PARG: variants seen among roughly 807,000 people sequenced by gnomAD.
PARG encodes the protein poly(ADP-ribose) glycohydrolase.
Under a neutral mutation model 113.0 loss-of-function variants are expected in PARG, and 35 were observed. That is an observed-to-expected ratio of 0.31 (90% CI 0.24 to 0.41). The LOEUF (loss-of-function observed/expected upper bound fraction) is 0.41. PARG is among the 10% of genes least tolerant of loss of function. The pLI is 1.00. For synonymous variants in PARG, 330 were observed against 409.9 expected (o/e 0.81, Z 2.36); for missense variants, 797 against 1,169.4 (o/e 0.68, Z 4.64).
intron 16 of PARG, among the ~76,000 whole-genome samples, chr10:49,822,082 T>C (rs566561918): frequency 2.3e-4 from 35 of 152,280 alleles, no homozygotes; most frequent in African/African-American, 8.4e-4. Context: ...AATAAATGTG[T>C]TGATGCTGCT....
At chr10:49,836,145 T>C (rs1554831044) in intron 15 of PARG, among the ~76,000 whole-genome samples, 3 of 152,136 alleles carry the variant, frequency 2.0e-5, no homozygotes, top group Non-Finnish European at 4.4e-5. Flanking sequence ...TCTTTCATTA[T>C]CATGTAAATA....
chr10:49,828,106 A>C (rs1423343932), intron 16 of PARG, among the ~76,000 whole-genome samples: 4 of 147,280 alleles, frequency 2.7e-5, no homozygotes, highest in Admixed American at 1.3e-4. Flanking sequence ...AAAAAAAAAA[A>C]AAAAAAAAAA....
At chr10:49,930,518 T>C (rs1425510805) in intron 4 of PARG, among the ~76,000 whole-genome samples, 3 of 152,208 alleles carry the variant, frequency 2.0e-5, no homozygotes, top group Admixed American at 2.0e-4. Context: ...CTCTTCCTCA[T>C]TCCCCACCCA....
At chr10:49,934,230 C>T (rs1838634298) in intron 2 of PARG, 67 bp from the exon 3 acceptor site, 1 of 697,574 alleles carries the variant, frequency 1.4e-6, no homozygotes, top group Non-Finnish European at 2.5e-6. Flanking sequence ...CAATCATACC[C>T]CCAGTGTCAC....
chr10:49,892,961 T>C (rs1847883560), intron 7 of PARG, among the ~76,000 whole-genome samples: 1 of 152,210 alleles, frequency 6.6e-6, no homozygotes, highest in Non-Finnish European at 1.5e-5. Flanking sequence ...ACATCCACAA[T>C]TTGTTTATTC....
intron 14 of PARG, 68 bp downstream of exon 14, chr10:49,843,486 T>C (rs951431085): frequency 2.3e-6 from 2 of 878,176 alleles, no homozygotes; most frequent in East Asian, 2.6e-5. Flanking sequence ...AGAATGAGAG[T>C]GTGTGAGGGT....
intron 17 of PARG, 75 bp downstream of exon 17, chr10:49,820,090 A>G (rs1843996734): frequency 9.7e-7 from 1 of 1,028,772 alleles, no homozygotes; most frequent in East Asian, 2.6e-5. Flanking sequence ...TGATTCATCC[A>G]GATTTAGCAA....
At chr10:49,843,525 T>C (rs374803425) in intron 14 of PARG, 29 bp downstream of exon 14, 162 of 1,427,314 alleles carry the variant, frequency 1.1e-4, no homozygotes, top group Middle Eastern at 5.2e-4. Flanking sequence ...CTTTTAGCCA[T>C]GGAATACTGA....
intron 7 of PARG, among the ~76,000 whole-genome samples, chr10:49,900,203 A>T (rs1588962835): frequency 6.6e-6 from 1 of 151,522 alleles, no homozygotes; most frequent in Non-Finnish European, 1.5e-5. Flanking sequence ...TGAAGGGAGA[A>T]AGAGTCCTCC....
At chr10:49,882,380 T>A (rs1847258042) in intron 8 of PARG, among the ~76,000 whole-genome samples, 2 of 151,232 alleles carry the variant, frequency 1.3e-5, no homozygotes, top group Non-Finnish European at 2.9e-5. Context: ...AACACCAACA[T>A]ATACAATTTA....
chr10:49,889,376 C>T (rs1847657664), intron 7 of PARG, among the ~76,000 whole-genome samples: 2 of 152,160 alleles, frequency 1.3e-5, no homozygotes, highest in Non-Finnish European at 2.9e-5. Context: ...TACTTCATTA[C>T]CAGCAATTGA....
At chr10:49,914,498 C>T (rs1554847074) in intron 7 of PARG, among the ~76,000 whole-genome samples, 1 of 152,230 alleles carries the variant, frequency 6.6e-6, no homozygotes, top group Non-Finnish European at 1.5e-5. Context: ...TCTGAAATTA[C>T]TGGCACTATC....
In PARG at chr10:49,907,688, G is replaced by A. The variant is rs1162400708; in HGVS notation, c.1737+8229C>T. Among the ~76,000 whole-genome samples the A allele has an allele frequency of 2.0e-5, 3 of 152,196 alleles. No individual in the cohort carries two copies. The East Asian group carries it at 5.8e-4, about 29-fold the overall frequency. ...ACTATAGAATTTATTTTTATGAGTA[G>A]GAACATAAGAAGAATAAATGCAAAT... On this transcript the variant is annotated intron_variant, in intron 7 of 17. Transcript: ENST00000616448.
intron 6 of PARG, among the ~76,000 whole-genome samples, chr10:49,917,294 TC>T (rs782508495): frequency 4.5e-3 from 683 of 151,756 alleles, no homozygotes; most frequent in East Asian, 0.018. Context: ...ATCCAGACCA[TC>T]CTGGCCAACA....
chr10:49,825,730 G>C (rs1192571104), intron 16 of PARG, among the ~76,000 whole-genome samples: 1 of 152,098 alleles, frequency 6.6e-6, no homozygotes, highest in Non-Finnish European at 1.5e-5. Context: ...ATAAACCTTG[G>C]TTTCTCATTC....
chr10:49,832,944 C>T lies in PARG; in HGVS notation c.2542-36G>A, dbSNP rs535890432. 4.1e-4 allele frequency: 433 copies of T among 1,050,552 alleles called. 3 individuals are homozygous for T. In the South Asian group the frequency reaches 5.7e-3, roughly 14 times the overall value. 65.1% of individuals were successfully genotyped at this position (1,050,552 alleles called of 1,614,324 possible). ...AAAGAATTATCAAAGCCTGTGAGTGCCTAGACACTAACAGTGTTTCTGACT... is the reference window on the plus strand; with the variant it reads ...AAAGAATTATCAAAGCCTGTGAGTGTCTAGACACTAACAGTGTTTCTGACT... On this transcript the variant is annotated intron_variant, in intron 15 of 17. Transcript: ENST00000616448.
At chr10:49,903,494 T>C (rs1848435097) in intron 7 of PARG, among the ~76,000 whole-genome samples, 1 of 151,798 alleles carries the variant, frequency 6.6e-6, no homozygotes, top group Non-Finnish European at 1.5e-5. Flanking sequence ...ACATTAACTG[T>C]GCATTAGCCA....
intron 7 of PARG, among the ~76,000 whole-genome samples, chr10:49,909,458 T>C (rs1169096827): frequency 2.0e-5 from 3 of 152,160 alleles, no homozygotes; most frequent in African/African-American, 4.8e-5. Flanking sequence ...TCAAAAACTG[T>C]TATTTTAGCT....
chr10:49,922,440 A>G (rs2812994), intron 5 of PARG, 21 bp from the exon 6 acceptor site: 80 of 1,609,486 alleles, frequency 5.0e-5, no homozygotes, highest in Non-Finnish European at 6.2e-5. Flanking sequence ...AAAGAAAAAC[A>G]TATGAGGAAG....
Sources: gnomAD v4.1 joint callset for allele counts (sites outside exome capture counted in the v4.1 genomes callset) on GRCh38, gnomAD v4.1.1 for gene constraint, MANE v1.5 for transcripts, NCBI Gene and HGNC (gene_info 2026-07-23, HGNC 2026-07-21) for gene names.